Variants in PIK3R3 observed in about 807,000 individuals in gnomAD.
PIK3R3 encodes phosphatidylinositol 3-kinase regulatory subunit gamma.
In PIK3R3, 64 loss-of-function variants were observed where a neutral mutation model predicts 62.9. The ratio of observed to expected loss-of-function variants is 1.02; its 90% CI spans 0.83 to 1.25. The LOEUF is 1.25. Ranked by LOEUF, PIK3R3 falls within the 50% of genes most tolerant of loss-of-function variation. The pLI is 0.00. For missense variants in PIK3R3, 614 were observed against 561.6 expected (o/e 1.09, Z -0.94); for synonymous variants, 165 against 189.0 (o/e 0.87, Z 1.04).
chr1:46,107,263 T>C (rs531093979), intron 1 of PIK3R3, among the ~76,000 whole-genome samples: 16 of 152,112 alleles, frequency 1.1e-4, no homozygotes, highest in Admixed American at 9.2e-4. Context: ...GGCATGAGAA[T>C]TGCTTGAACC....
At chr1:46,111,816 T>C (rs1179112980) in intron 1 of PIK3R3, among the ~76,000 whole-genome samples, 1 of 152,198 alleles carries the variant, frequency 6.6e-6, no homozygotes, top group Non-Finnish European at 1.5e-5. Flanking sequence ...AGCTGTTCAA[T>C]TTATATGAAG....
chr1:46,046,875 A>C, intron 7 of PIK3R3: 1 of 531,082 alleles, frequency 1.9e-6, no homozygotes, highest in South Asian at 2.8e-5. Flanking sequence ...TTCACTTTTC[A>C]TTTTTCTTTT....
chr1:46,122,660 G>A (rs1020005039), intron 1 of PIK3R3, among the ~76,000 whole-genome samples: 9 of 152,116 alleles, frequency 5.9e-5, no homozygotes, highest in East Asian at 5.8e-4. Flanking sequence ...GAGCCACCGC[G>A]CCCGGCCTAT....
intron 2 of PIK3R3, among the ~76,000 whole-genome samples, chr1:46,078,230 T>C (rs1650248471): frequency 6.6e-6 from 1 of 152,142 alleles, no homozygotes; most frequent in Non-Finnish European, 1.5e-5. Flanking sequence ...AAAATAGAAA[T>C]ATTCTAACCA....
At chr1:46,087,958 T>G (rs542176093) in intron 1 of PIK3R3, among the ~76,000 whole-genome samples, 2 of 152,210 alleles carry the variant, frequency 1.3e-5, no homozygotes, top group Non-Finnish European at 2.9e-5. Context: ...GAGGGAAGGA[T>G]GGAATAGAAG....
chr1:46,092,013 G>A (rs747032630), intron 1 of PIK3R3, among the ~76,000 whole-genome samples: 2 of 151,824 alleles, frequency 1.3e-5, no homozygotes, highest in Non-Finnish European at 2.9e-5. Flanking sequence ...ATTTCAATCC[G>A]AGAATGCAGA....
chr1:46,130,589 G>T (rs1399949576), intron 1 of PIK3R3, among the ~76,000 whole-genome samples: 1 of 151,484 alleles, frequency 6.6e-6, no homozygotes, highest in Admixed American at 6.6e-5. Flanking sequence ...ATAATTCACC[G>T]TTTGCAAGGA....
chr1:46,043,478 T>C lies in PIK3R3; in HGVS notation c.*195A>G, dbSNP rs1647031633. 1.7e-6 allele frequency: 1 copy of C among 584,116 alleles called. No homozygotes were observed. The highest frequency in any genetic ancestry group is 3.1e-6 in the Non-Finnish European group (1 of 326,246). 36.2% of individuals were successfully genotyped at this position (584,116 alleles called of 1,614,324 possible). Reference sequence around the variant, plus strand: ...AGCTTAGTATGTCAGTGCAGCGGCATGGCTGAGTCCTAGAGAACCTCAGGC... The same window carrying C: ...AGCTTAGTATGTCAGTGCAGCGGCACGGCTGAGTCCTAGAGAACCTCAGGC... On this transcript the variant is annotated 3_prime_UTR_variant, in exon 10 of 10. Coordinates refer to ENST00000262741, the MANE Select transcript of PIK3R3 (RefSeq NM_003629.4).
At chr1:46,157,107 A>G in the PIK3R3 span, among the ~76,000 whole-genome samples, 1 of 152,186 alleles carries the variant, frequency 6.6e-6, no homozygotes, top group Admixed American at 6.5e-5. Flanking sequence ...AACTAGAATC[A>G]TAAATCCCAG....
chr1:46,092,909 C>A (rs1218472696), intron 1 of PIK3R3, among the ~76,000 whole-genome samples: 1 of 152,078 alleles, frequency 6.6e-6, no homozygotes, highest in Admixed American at 6.6e-5. Flanking sequence ...ATAGCTCAAT[C>A]CATTTTCATG....
At chr1:46,053,727 AT>A (rs930309391) in intron 7 of PIK3R3, among the ~76,000 whole-genome samples, 18 of 152,006 alleles carry the variant, frequency 1.2e-4, no homozygotes, top group Non-Finnish European at 2.5e-4. Flanking sequence ...CCAATTTATG[AT>A]TTTTTTTATA....
chr1:46,132,761 C>T, upstream of PIK3R3: 2 of 1,280,632 alleles, frequency 1.6e-6, no homozygotes, highest in Non-Finnish European at 2.0e-6. Context: ...CCGCCCCTTC[C>T]ACGCCGTCCC....
At chr1:46,156,414 G>A in the PIK3R3 span, among the ~76,000 whole-genome samples, 58 of 149,178 alleles carry the variant, frequency 3.9e-4, no homozygotes, top group Admixed American at 1.3e-3. Flanking sequence ...AGCCAAGATC[G>A]TGCCACTGTA....
In PIK3R3 at chr1:46,132,598, C is replaced by A. The variant is rs1463551765; in HGVS notation, c.-646G>T. 2 of 1,289,062 alleles carry A rather than the reference C, an allele frequency of 1.6e-6. No homozygotes were observed. The highest frequency in any genetic ancestry group is 1.2e-5 in the South Asian group (1 of 81,012). 79.9% of individuals were successfully genotyped at this position (1,289,062 alleles called of 1,614,324 possible). On this transcript the variant is annotated 5_prime_UTR_variant, in exon 1 of 10. Transcript: ENST00000262741. The stretch of plus-strand genomic sequence containing the variant: ...CTCCCGCCGGGGTGTAAGAACCAAC[C>A]CGACCGCACCAACTGCCCTCAAGCT...
Position 46,132,082 on chromosome 1 carries a change from A to T in PIK3R3, c.-130T>A. ...ATGTACTTCGGGTTTTCCAACGGCCAGTACCAGTCCGGCCAAACTACCCGA... is the reference window on the plus strand; with the variant it reads ...ATGTACTTCGGGTTTTCCAACGGCCTGTACCAGTCCGGCCAAACTACCCGA... On this transcript the variant is annotated 5_prime_UTR_variant, in exon 1 of 10. Coordinates refer to ENST00000262741, the MANE Select transcript of PIK3R3 (RefSeq NM_003629.4). 1 of 1,444,644 alleles carries T rather than the reference A, an allele frequency of 6.9e-7. No individual in the cohort carries two copies. The highest frequency in any genetic ancestry group is 9.1e-7 in the Non-Finnish European group (1 of 1,102,132). The allele number at this position is 1,444,644 out of a possible 1,614,324, so 89.5% of individuals were successfully genotyped here.
intron 1 of PIK3R3, among the ~76,000 whole-genome samples, chr1:46,102,143 G>A (rs909588134): frequency 2.6e-5 from 4 of 151,584 alleles, no homozygotes; most frequent in African/African-American, 9.7e-5. Context: ...CCACCACCTC[G>A]CCCGGCTAAT....
intron 1 of PIK3R3, among the ~76,000 whole-genome samples, chr1:46,105,922 T>C (rs1007952393): frequency 2.0e-5 from 3 of 152,124 alleles, no homozygotes; most frequent in Non-Finnish European, 2.9e-5. Context: ...CCCATTAAGA[T>C]ATGGCATAAA....
At chr1:46,048,579 C>T (rs1647177469) in intron 7 of PIK3R3, among the ~76,000 whole-genome samples, 1 of 152,144 alleles carries the variant, frequency 6.6e-6, no homozygotes, top group Admixed American at 6.5e-5. Flanking sequence ...GAAATATGCA[C>T]ACTGGGTAAA....
At chr1:46,117,825 T>C (rs1019105336) in intron 1 of PIK3R3, among the ~76,000 whole-genome samples, 4 of 152,096 alleles carry the variant, frequency 2.6e-5, no homozygotes, top group South Asian at 2.1e-4. Context: ...ACCCCAGCAC[T>C]TGGGAGGCCA....
Sources: allele counts gnomAD v4.1 joint callset (sites outside exome capture counted in the v4.1 genomes callset), GRCh38; gene constraint gnomAD v4.1.1; transcripts MANE v1.5; gene names NCBI Gene and HGNC (gene_info 2026-07-23, HGNC 2026-07-21).